Variants in TENT5D observed in about 807,000 individuals in gnomAD.
The protein encoded by TENT5D is cancer/testis antigen 112.
For synonymous variants in TENT5D, 103 were observed against 100.6 expected (o/e 1.02, Z -0.15); for missense variants, 191 against 287.0 (o/e 0.67, Z 2.42).
intron 1 of TENT5D, among the ~76,000 whole-genome samples, chrX:80,430,672 C>T (rs1005153981): frequency 5.0e-4 from 56 of 111,455 alleles, no homozygotes; most frequent in African/African-American, 1.8e-3. Context: ...GCCTTCTGTC[C>T]CTCCTGAAGT....
chrX:80,350,346 A>ATTTATTTAGGTTAGTTAGCTT (rs1046786286), intron 3 of TENT5D, among the ~76,000 whole-genome samples: 1 of 111,402 alleles, frequency 9.0e-6, no homozygotes, highest in Non-Finnish European at 1.9e-5. Flanking sequence ...TTGGGTGCAT[A>ATTTATTTAGGTTAGTTAGCTT]TTTATTTAGG....
chrX:80,405,523 C>T (rs745978769), intron 3 of TENT5D, among the ~76,000 whole-genome samples: 1 of 112,535 alleles, frequency 8.9e-6, no homozygotes, highest in Non-Finnish European at 1.9e-5. Flanking sequence ...GTCACTCCCA[C>T]CCAAATATTG....
At chrX:80,382,212 C>G (rs1930880582) in intron 3 of TENT5D, among the ~76,000 whole-genome samples, 1 of 112,035 alleles carries the variant, frequency 8.9e-6, no homozygotes, top group Non-Finnish European at 1.9e-5. Context: ...ACAGTCAGGT[C>G]CCTCAGCTGC....
intron 3 of TENT5D, among the ~76,000 whole-genome samples, chrX:80,409,902 T>C (rs1474517963): frequency 9.4e-6 from 1 of 106,277 alleles, no homozygotes; most frequent in Non-Finnish European, 1.9e-5. Context: ...AACAGAGATA[T>C]AGATCAATGG....
At chrX:80,342,170 A>C (rs1234499290) in intron 2 of TENT5D, among the ~76,000 whole-genome samples, 1 of 111,885 alleles carries the variant, frequency 8.9e-6, no homozygotes, top group African/African-American at 3.3e-5. Context: ...AACTATAAGA[A>C]CTATAAGTCA....
At chrX:80,430,344 G>A (rs1932064849) in intron 1 of TENT5D, among the ~76,000 whole-genome samples, 1 of 111,144 alleles carries the variant, frequency 9.0e-6, no homozygotes, top group African/African-American at 3.3e-5. Flanking sequence ...GGTTTCTTGG[G>A]TGTTACAGCC....
intron 2 of TENT5D, chrX:80,335,746 A>G (rs1929835665): frequency 8.9e-6 from 1 of 111,749 alleles, no homozygotes; most frequent in Non-Finnish European, 1.9e-5. Flanking sequence ...TTTTTCAAAA[A>G]ATTATAGTCG....
intron 3 of TENT5D, among the ~76,000 whole-genome samples, chrX:80,366,386 C>G (rs983799724): frequency 2.2e-4 from 24 of 111,201 alleles, no homozygotes; most frequent in Admixed American, 9.7e-5. Flanking sequence ...ATCATTTACT[C>G]TATAAACTAC....
At position 80,336,992 on chromosome X, in the gene TENT5D, A is replaced by G. The variant is rs1045996898; in HGVS notation, c.-207+1276A>G. ...GTTCCAAACTAAATTTGACTCCAAA[A>G]ATTTCCCTCTTGTTTTTTCTTAGAT... On this transcript the variant is annotated intron_variant, in intron 2 of 4. Coordinates refer to the TENT5D transcript ENST00000538312. 8.0e-5 allele frequency among the ~76,000 whole-genome samples: 9 copies of G among 111,860 alleles called. 1 individual carries two copies. Among genetic ancestry groups the G allele is most frequent in the African/African-American group, 2.6e-4 (8 of 30,823 alleles).
intron 3 of TENT5D, among the ~76,000 whole-genome samples, chrX:80,377,677 A>C (rs1173720140): frequency 8.9e-6 from 1 of 112,118 alleles, no homozygotes; most frequent in Non-Finnish European, 1.9e-5. Flanking sequence ...GCTGTTGTGA[A>C]TAGTGCCACA....
chrX:80,434,292 C>T (rs1932142391), intron 1 of TENT5D, among the ~76,000 whole-genome samples: 2 of 109,299 alleles, frequency 1.8e-5, no homozygotes, highest in Non-Finnish European at 3.8e-5. Context: ...TGAATAGAAA[C>T]TAAAACCTTT....
At chrX:80,373,614 A>T (rs753583660) in intron 3 of TENT5D, among the ~76,000 whole-genome samples, 3 of 111,099 alleles carry the variant, frequency 2.7e-5, no homozygotes, top group Non-Finnish European at 5.7e-5. Flanking sequence ...AAGGTTAAAT[A>T]ATTTGACCAA....
intron 3 of TENT5D, among the ~76,000 whole-genome samples, chrX:80,412,486 A>G (rs190698919): frequency 3.5e-4 from 39 of 112,538 alleles, no homozygotes; most frequent in Non-Finnish European, 6.2e-4. Context: ...AGTTTTCTGA[A>G]CTTTTTGCTC....
exon 3 of TENT5D, chrX:80,443,070 A>G (rs781105250): frequency 5.8e-6 from 7 of 1,209,678 alleles, no homozygotes; most frequent in East Asian, 5.9e-5. Flanking sequence ...ATTCCTTTCA[A>G]ATTGTTTTGG....
intron 3 of TENT5D, among the ~76,000 whole-genome samples, chrX:80,413,117 T>C (rs886228689): frequency 6.3e-5 from 7 of 111,975 alleles, no homozygotes; most frequent in Admixed American, 2.9e-4. Context: ...TAACGTATGC[T>C]GACAATTGTG....
intron 3 of TENT5D, among the ~76,000 whole-genome samples, chrX:80,370,618 T>C (rs1368321260): frequency 8.9e-6 from 1 of 112,031 alleles, no homozygotes; most frequent in East Asian, 2.8e-4. Flanking sequence ...TAATAGTCTG[T>C]TATCTAAAAT....
chrX:80,421,131 C>T lies in TENT5D; in HGVS notation c.-142+568C>T, dbSNP rs752402352. Among the ~76,000 whole-genome samples the T allele has an allele frequency of 1.3e-4, 15 of 111,579 alleles. 1 individual carries two copies. Among genetic ancestry groups the T allele is most frequent in the Non-Finnish European group, 2.6e-4 (14 of 53,072 alleles). On this transcript the variant is annotated intron_variant, in intron 1 of 2. Transcript: ENST00000308293. ...TTTATATAGTCCTGAACTTCCTTTTCAGATTATTTTTTTTCCTTTAAAGCA... is the reference window on the plus strand; with the variant it reads ...TTTATATAGTCCTGAACTTCCTTTTTAGATTATTTTTTTTCCTTTAAAGCA...
At chrX:80,341,552 G>A (rs1324559260) in intron 2 of TENT5D, among the ~76,000 whole-genome samples, 1 of 111,219 alleles carries the variant, frequency 9.0e-6, no homozygotes, top group Admixed American at 9.6e-5. Context: ...AGTGTATAAG[G>A]CAAAAGTCCA....
At chrX:80,336,771 A>T (rs1929859647) in intron 2 of TENT5D, among the ~76,000 whole-genome samples, 1 of 111,956 alleles carries the variant, frequency 8.9e-6, no homozygotes, top group South Asian at 3.6e-4. Flanking sequence ...AGCCTTTTTT[A>T]AAAAGTGTTT....
Sources: allele counts gnomAD v4.1 joint callset (sites outside exome capture counted in the v4.1 genomes callset), GRCh38; gene constraint gnomAD v4.1.1; transcripts MANE v1.5; gene names NCBI Gene and HGNC (gene_info 2026-07-23, HGNC 2026-07-21).